Variants in SCAPER observed in about 807,000 individuals in gnomAD.
The protein encoded by SCAPER is S-phase cyclin A associated protein in the ER.
A neutral mutation model predicts 182.2 loss-of-function variants in SCAPER; 98 were observed. That is an observed-to-expected ratio of 0.54 (90% CI 0.46 to 0.64). SCAPER has a LOEUF of 0.64. Among genes scored for constraint, SCAPER ranks in the 30% least tolerant of loss-of-function variants. The probability of loss-of-function intolerance (pLI) is 0.00; values close to 1 mark genes in which losing one functional copy is unlikely to be tolerated. For synonymous variants in SCAPER, 605 were observed against 564.6 expected (o/e 1.07, Z -1.01); for missense variants, 1,432 against 1,690.0 (o/e 0.85, Z 2.68).
intron 8 of SCAPER, among the ~76,000 whole-genome samples, chr15:76,779,731 G>C (rs1382578218): frequency 2.0e-5 from 3 of 150,436 alleles, no homozygotes; most frequent in African/African-American, 7.3e-5. Context: ...AAATTACACA[G>C]TACAAAAAAA....
chr15:76,352,369 A>G (rs978377350), intron 30 of SCAPER, among the ~76,000 whole-genome samples: 5 of 151,794 alleles, frequency 3.3e-5, no homozygotes, highest in Non-Finnish European at 5.9e-5. Flanking sequence ...TTGTTGCTGT[A>G]TTTGCAGTGC....
chr15:76,632,213 A>G (rs2053173844), intron 21 of SCAPER, among the ~76,000 whole-genome samples: 1 of 152,072 alleles, frequency 6.6e-6, no homozygotes, highest in Admixed American at 6.6e-5. Context: ...TGTTTGAGAC[A>G]GAGTCTCACT....
intron 25 of SCAPER, among the ~76,000 whole-genome samples, chr15:76,435,013 AC>A (rs2047105431): frequency 6.6e-6 from 1 of 152,240 alleles, no homozygotes; most frequent in South Asian, 2.1e-4. Flanking sequence ...AAATGTACTT[AC>A]TTGGTGACAA....
At chr15:76,495,547 C>T (rs2040408876) in intron 24 of SCAPER, among the ~76,000 whole-genome samples, 1 of 127,444 alleles carries the variant, frequency 7.8e-6, no homozygotes, top group African/African-American at 3.1e-5. Flanking sequence ...CACTGCTCTC[C>T]AGCCTGGGCA....
intron 23 of SCAPER, among the ~76,000 whole-genome samples, chr15:76,526,059 ATAAT>A (rs1425873468): frequency 1.3e-5 from 2 of 152,222 alleles, no homozygotes; most frequent in African/African-American, 4.8e-5. Flanking sequence ...AACATTGTCA[ATAAT>A]TAATAAAATA....
intron 17 of SCAPER, among the ~76,000 whole-genome samples, chr15:76,719,893 G>C (rs1481733753): frequency 6.6e-6 from 1 of 151,494 alleles, no homozygotes; most frequent in African/African-American, 2.4e-5. Flanking sequence ...AGAATTTATT[G>C]TGGTTGCTGA....
intron 22 of SCAPER, among the ~76,000 whole-genome samples, chr15:76,596,182 C>A (rs1177412565): frequency 8.3e-6 from 1 of 120,688 alleles, no homozygotes. Flanking sequence ...ATAAACACCT[C>A]TATGCAAATA....
At chr15:76,381,663 T>C (rs1473536165) in intron 27 of SCAPER, 48 bp from the exon 28 acceptor site, 2 of 1,424,730 alleles carry the variant, frequency 1.4e-6, no homozygotes, top group East Asian at 5.0e-5. Flanking sequence ...TTAATGGATG[T>C]TAGCAATTTG....
chr15:76,536,219 C>T (rs2044145123), intron 23 of SCAPER, among the ~76,000 whole-genome samples: 1 of 151,940 alleles, frequency 6.6e-6, no homozygotes, highest in South Asian at 2.1e-4. Flanking sequence ...ATATTTTTGG[C>T]CAAGTGCGGT....
chr15:76,511,843 A>ATATATATGTGTGTG (rs151255382), intron 23 of SCAPER, among the ~76,000 whole-genome samples: 2 of 123,296 alleles, frequency 1.6e-5, no homozygotes, highest in African/African-American at 6.7e-5. Flanking sequence ...ATATATATAT[A>ATATATATGTGTGTG]TGTGTGTGTG....
chr15:76,419,071 GATT>G (rs2045845334), intron 26 of SCAPER, among the ~76,000 whole-genome samples: 1 of 152,244 alleles, frequency 6.6e-6, no homozygotes. Context: ...CAGTGTCTGT[GATT>G]ATTCAAATTC....
At chr15:76,664,994 C>T (rs931434207) in intron 21 of SCAPER, among the ~76,000 whole-genome samples, 6 of 152,114 alleles carry the variant, frequency 3.9e-5, no homozygotes, top group African/African-American at 1.4e-4. Context: ...TAAAAGTATA[C>T]GGACATATTC....
intron 25 of SCAPER, among the ~76,000 whole-genome samples, chr15:76,441,952 G>A (rs540420526): frequency 9.3e-4 from 142 of 152,110 alleles, no homozygotes; most frequent in Middle Eastern, 6.8e-3. Flanking sequence ...TGTAGACACT[G>A]ATTTTCACTA....
At chr15:76,645,272 T>C (rs62026896) in intron 21 of SCAPER, among the ~76,000 whole-genome samples, 11,770 of 152,232 alleles carry the variant, frequency 0.077, 516 homozygotes, top group Middle Eastern at 0.11. Context: ...TGACTATATA[T>C]AAAATGTGTG....
chr15:76,513,168 G>A (rs1003277231), intron 23 of SCAPER, among the ~76,000 whole-genome samples: 1 of 152,164 alleles, frequency 6.6e-6, no homozygotes, highest in African/African-American at 2.4e-5. Flanking sequence ...TGCAGCCCCA[G>A]TCCTGGCACA....
intron 14 of SCAPER, among the ~76,000 whole-genome samples, chr15:76,761,062 T>A (rs188173600): frequency 6.6e-6 from 1 of 152,322 alleles, no homozygotes; most frequent in Non-Finnish European, 1.5e-5. Flanking sequence ...GCTCTTTATT[T>A]CTTCTTGATT....
At chr15:76,537,391 C>A (rs1294550040) in intron 23 of SCAPER, among the ~76,000 whole-genome samples, 1 of 152,152 alleles carries the variant, frequency 6.6e-6, no homozygotes. Context: ...TGGAACAGAA[C>A]AGAGCCCTCA....
chr15:76,654,500 A>G (rs2055452065), intron 21 of SCAPER, among the ~76,000 whole-genome samples: 1 of 152,222 alleles, frequency 6.6e-6, no homozygotes, highest in South Asian at 2.1e-4. Context: ...GGCTACCGAG[A>G]AAAGAGAATG....
intron 2 of SCAPER, among the ~76,000 whole-genome samples, chr15:76,873,347 C>A (rs146987608): frequency 0.038 from 3,510 of 93,234 alleles, 62 homozygotes; most frequent in East Asian, 0.11. Context: ...GGCAGGCAGG[C>A]AGGCAGGCAG....
Sources: allele counts gnomAD v4.1 joint callset (sites outside exome capture counted in the v4.1 genomes callset), GRCh38; gene constraint gnomAD v4.1.1; transcripts MANE v1.5; gene names NCBI Gene and HGNC (gene_info 2026-07-23, HGNC 2026-07-21).